The following SAMTOR variants were observed in gnomAD, a reference collection of about 807,000 sequenced individuals.
The protein encoded by SAMTOR is S-adenosylmethionine sensor upstream of mTORC1.
At chr7:112,896,208 CGT>C in the SAMTOR span, among the ~76,000 whole-genome samples, 94 of 151,666 alleles carry the variant, frequency 6.2e-4, no homozygotes, top group African/African-American at 1.1e-3. Flanking sequence ...CGCGCACGCG[CGT>C]GTGTGTGTTT....
At chr7:112,820,510 T>C in the SAMTOR span, 3 of 152,368 alleles carry the variant, frequency 2.0e-5, no homozygotes, top group African/African-American at 7.2e-5. Context: ...TTAAAAATGA[T>C]AGCTTCCATG....
At chr7:112,885,822 T>G in the SAMTOR span, among the ~76,000 whole-genome samples, 3 of 152,338 alleles carry the variant, frequency 2.0e-5, no homozygotes, top group African/African-American at 2.4e-5. Flanking sequence ...TGCTCCCACA[T>G]TTTTGGGTAT....
At chr7:112,919,799 C>G in the SAMTOR span, among the ~76,000 whole-genome samples, 1 of 152,082 alleles carries the variant, frequency 6.6e-6, no homozygotes, top group Non-Finnish European at 1.5e-5. Flanking sequence ...TACAAACTAC[C>G]ATGAGAGAAT....
At chr7:112,869,370 C>T in the SAMTOR span, among the ~76,000 whole-genome samples, 1,618 of 152,048 alleles carry the variant, frequency 0.011, 30 homozygotes, top group African/African-American at 0.037. Flanking sequence ...TACTCATAAG[C>T]GCCATCTACT....
chr7:112,863,082 C>CAT, the SAMTOR span, among the ~76,000 whole-genome samples: 2 of 152,024 alleles, frequency 1.3e-5, no homozygotes, highest in Admixed American at 6.6e-5. Flanking sequence ...TAAAAAAATA[C>CAT]ATATATATAG....
the SAMTOR span, among the ~76,000 whole-genome samples, chr7:112,888,552 C>A: frequency 6.6e-5 from 10 of 151,956 alleles, no homozygotes; most frequent in Admixed American, 2.6e-4. Context: ...TCAAAAAGTG[C>A]CATATCTAAA....
the SAMTOR span, among the ~76,000 whole-genome samples, chr7:112,878,083 T>C: frequency 6.6e-6 from 1 of 152,158 alleles, no homozygotes; most frequent in African/African-American, 2.4e-5. Flanking sequence ...TACCATCATG[T>C]TTTAGCATGT....
At chr7:112,832,580 T>A in the SAMTOR span, 1 of 1,604,024 alleles carries the variant, frequency 6.2e-7, no homozygotes, top group African/African-American at 1.3e-5. Flanking sequence ...AGGTACAATA[T>A]CTATGCCAAC....
chr7:112,907,834 C>CTTATTTATTTAT, the SAMTOR span, among the ~76,000 whole-genome samples: 7 of 119,782 alleles, frequency 5.8e-5, no homozygotes, highest in African/African-American at 2.1e-4. Context: ...AATGGGTATT[C>CTTATTTATTTAT]TTACTTACTT....
the SAMTOR span, among the ~76,000 whole-genome samples, chr7:112,936,210 A>C: frequency 6.6e-6 from 1 of 152,178 alleles, no homozygotes; most frequent in Non-Finnish European, 1.5e-5. Context: ...ATATAACCTC[A>C]CTTTAAAAGA....
the SAMTOR span, chr7:112,822,159 A>G: frequency 5.0e-6 from 8 of 1,613,896 alleles, no homozygotes; most frequent in African/African-American, 9.3e-5. Flanking sequence ...ACCATTTAAC[A>G]CTAACAGTTC....
At chr7:112,833,100 A>T in the SAMTOR span, among the ~76,000 whole-genome samples, 16 of 150,930 alleles carry the variant, frequency 1.1e-4, no homozygotes, top group South Asian at 2.1e-4. Flanking sequence ...CCCCATTTTT[A>T]AAAAATATAT....
the SAMTOR span, among the ~76,000 whole-genome samples, chr7:112,866,758 TC>T: frequency 6.6e-6 from 1 of 152,162 alleles, no homozygotes. Context: ...CCACTATAGG[TC>T]CCAAACATAG....
At chr7:112,884,024 G>A in the SAMTOR span, among the ~76,000 whole-genome samples, 201 of 152,282 alleles carry the variant, frequency 1.3e-3, no homozygotes, top group East Asian at 0.025. Context: ...AAGCAAACAC[G>A]TCCTTCCTCA....
At chr7:112,849,635 T>A in the SAMTOR span, among the ~76,000 whole-genome samples, 1 of 152,204 alleles carries the variant, frequency 6.6e-6, no homozygotes, top group East Asian at 1.9e-4. Context: ...CCGTACTATG[T>A]TGAATAGTAG....
the SAMTOR span, among the ~76,000 whole-genome samples, chr7:112,891,276 C>A: frequency 6.6e-6 from 1 of 152,030 alleles, no homozygotes; most frequent in Non-Finnish European, 1.5e-5. Flanking sequence ...TTGTAGTAAC[C>A]TTTGAATAAA....
chr7:112,896,769 A>G, the SAMTOR span, among the ~76,000 whole-genome samples: 1 of 152,200 alleles, frequency 6.6e-6, no homozygotes, highest in African/African-American at 2.4e-5. Flanking sequence ...ATAAACAAAG[A>G]TAGTTATTTC....
At chr7:112,850,493 T>C in the SAMTOR span, among the ~76,000 whole-genome samples, 1 of 152,192 alleles carries the variant, frequency 6.6e-6, no homozygotes, top group Non-Finnish European at 1.5e-5. Flanking sequence ...TTCTTCTTTG[T>C]GCATCTGGTA....
chr7:112,930,721 T>C, the SAMTOR span, among the ~76,000 whole-genome samples: 603 of 152,324 alleles, frequency 4.0e-3, 4 homozygotes, highest in African/African-American at 0.013. Context: ...GTGTTTCCTA[T>C]ATGCCAAATG....
Sources: allele counts gnomAD v4.1 joint callset (sites outside exome capture counted in the v4.1 genomes callset), GRCh38; gene constraint gnomAD v4.1.1; transcripts MANE v1.5; gene names NCBI Gene and HGNC (gene_info 2026-07-23, HGNC 2026-07-21).